The following MAD1L1 variants were observed in gnomAD, a reference collection of about 807,000 sequenced individuals.
MAD1L1 encodes mitotic spindle assembly checkpoint protein MAD1.
Under a neutral mutation model 96.9 loss-of-function variants are expected in MAD1L1, and 95 were observed. The observed-to-expected ratio is 0.98, with a 90% CI of 0.83 to 1.16. MAD1L1 has a LOEUF of 1.16. MAD1L1 is among the 50% of genes most tolerant of loss of function. The probability of loss-of-function intolerance (pLI) is 0.00; values close to 1 mark genes in which losing one functional copy is unlikely to be tolerated. For synonymous variants in MAD1L1, 473 were observed against 396.6 expected, an observed-to-expected ratio of 1.19 and a Z score of -2.29; for missense variants, 1,007 against 954.4, an observed-to-expected ratio of 1.06 and a Z score of -0.73.
chr7:2,218,990 G>A (rs1793441203), intron 6 of MAD1L1, among the ~76,000 whole-genome samples: 1 of 152,186 alleles, frequency 6.6e-6, no homozygotes, highest in Non-Finnish European at 1.5e-5. Context: ...AGCCCAGGAG[G>A]TTGAGGCTAC....
chr7:1,935,637 G>A (rs932815375), intron 17 of MAD1L1, among the ~76,000 whole-genome samples: 4 of 152,182 alleles, frequency 2.6e-5, no homozygotes, highest in East Asian at 1.9e-4. Context: ...TGTGGGAAGC[G>A]GACAAGTCAC....
At chr7:2,096,162 T>G (rs1416273558) in intron 11 of MAD1L1, among the ~76,000 whole-genome samples, 1 of 152,062 alleles carries the variant, frequency 6.6e-6, no homozygotes, top group Non-Finnish European at 1.5e-5. Context: ...AGAAGAAAGG[T>G]GAATTCCAGA....
chr7:2,156,184 G>A (rs1012825277), intron 10 of MAD1L1, among the ~76,000 whole-genome samples: 32 of 149,894 alleles, frequency 2.1e-4, no homozygotes, highest in Admixed American at 2.0e-4. Context: ...TTCACGGCGC[G>A]TGTGGCGAGG....
At position 2,069,283 on chromosome 7, in the gene MAD1L1, T is replaced by C. The variant is rs762095585; in HGVS notation, c.1129A>G (p.Ser377Gly). The change falls in exon 12 of 19, where the codon AGC becomes GGC. Residue 377 changes from serine to glycine, a missense_variant. Ser to Gly is a moderately conservative substitution (Grantham distance 56). Transcript: ENST00000265854. ...TTCCTCTCCTCCAACAGCTGGCCGCTGACCTGCCGGAGCTCCTCCTGCAGC... is the reference window on the plus strand; with the variant it reads ...TTCCTCTCCTCCAACAGCTGGCCGCCGACCTGCCGGAGCTCCTCCTGCAGC... Reference protein sequence around the residue: ...QQLQEELRQVSGQLLEERKKR... With the variant: ...QQLQEELRQVGGQLLEERKKR... The C allele has an allele frequency of 1.2e-6, 2 of 1,610,700 alleles. No individual in the cohort carries two copies. The highest frequency in any genetic ancestry group is 1.7e-6 in the Non-Finnish European group (2 of 1,179,420).
chr7:1,964,010 C>A (rs1780057530), intron 15 of MAD1L1, among the ~76,000 whole-genome samples: 1 of 152,216 alleles, frequency 6.6e-6, no homozygotes, highest in Non-Finnish European at 1.5e-5. Context: ...TCACATCAAT[C>A]TAGCAGGGAA....
intron 18 of MAD1L1, 108 bp from the exon 19 acceptor site, chr7:1,816,336 T>G (rs1781804115): frequency 8.8e-7 from 1 of 1,137,824 alleles, no homozygotes; most frequent in African/African-American, 1.5e-5. Context: ...TCCCTCAGTC[T>G]GAGGACCTGG....
chr7:1,957,724 A>G lies in MAD1L1; in HGVS notation c.1506-5T>C, dbSNP rs901496508. 3.7e-6 allele frequency: 6 copies of G among 1,614,044 alleles called. No homozygotes were observed. The highest frequency in any genetic ancestry group is 5.1e-6 in the Non-Finnish European group (6 of 1,179,954). On this transcript the variant is annotated splice_region_variant and splice_polypyrimidine_tract_variant and intron_variant, in intron 15 of 18. Transcript: ENST00000265854. ...TCCAGCTCCTCGACCTTCAACCTGC[A>G]AGGACAGCAAGACGGTGACCAGGTG...
rs373884733 is a variant in MAD1L1 at position 1,854,385 on chromosome 7, CA to C, written c.1999-38158del. 2.2e-4 allele frequency: 102 copies of C among 469,932 alleles called. 1 individual carries two copies. The East Asian group carries it at 5.1e-3, about 24-fold the overall frequency. 29.1% of individuals were successfully genotyped at this position (469,932 alleles called of 1,614,324 possible). A position where few individuals can be genotyped will look rare whatever the true frequency, so the allele number is the denominator to read the frequency against. Reference sequence around the variant, plus strand: ...TACCCTGTGGAAGCCTGTATTGGTCCACTCGGCCGCTGCAGACTAGGTGGCT... The same window carrying C: ...TACCCTGTGGAAGCCTGTATTGGTCCCTCGGCCGCTGCAGACTAGGTGGCT... On this transcript the variant is annotated intron_variant, in intron 18 of 18. Transcript: ENST00000265854.
chr7:2,229,088 C>T (rs1794063001), intron 3 of MAD1L1, among the ~76,000 whole-genome samples: 1 of 152,238 alleles, frequency 6.6e-6, no homozygotes, highest in African/African-American at 2.4e-5. Context: ...AAAACAAATG[C>T]ACACGCACAC....
intron 17 of MAD1L1, among the ~76,000 whole-genome samples, chr7:1,919,972 G>C (rs1489909865): frequency 6.6e-6 from 1 of 151,968 alleles, no homozygotes; most frequent in South Asian, 2.1e-4. Flanking sequence ...TCCACCCAAC[G>C]CTTATAGAGG....
intron 11 of MAD1L1, among the ~76,000 whole-genome samples, chr7:2,077,411 C>T (rs1018434243): frequency 3.3e-5 from 5 of 152,294 alleles, no homozygotes; most frequent in Non-Finnish European, 2.9e-5. Context: ...ATGAAGCCAC[C>T]GTGTCCCCCA....
chr7:2,029,400 G>C (rs1044757328), intron 12 of MAD1L1, among the ~76,000 whole-genome samples: 33 of 152,278 alleles, frequency 2.2e-4, no homozygotes, highest in African/African-American at 7.9e-4. Flanking sequence ...CAGGGCTTTG[G>C]GGGAGGTGGA....
At chr7:1,900,103 C>G (rs759806813) in intron 17 of MAD1L1, among the ~76,000 whole-genome samples, 1 of 152,304 alleles carries the variant, frequency 6.6e-6, no homozygotes, top group South Asian at 2.1e-4. Flanking sequence ...CCCCCGATGG[C>G]GTGAGCTCAG....
At chr7:1,896,285 T>C (rs1158940891) in intron 18 of MAD1L1, among the ~76,000 whole-genome samples, 1 of 152,228 alleles carries the variant, frequency 6.6e-6, no homozygotes, top group Non-Finnish European at 1.5e-5. Flanking sequence ...CCAAGCCTTC[T>C]GGTCTCAACA....
At chr7:1,869,714 CG>C (rs1784951064) in intron 18 of MAD1L1, among the ~76,000 whole-genome samples, 1 of 152,190 alleles carries the variant, frequency 6.6e-6, no homozygotes, top group Non-Finnish European at 1.5e-5. Flanking sequence ...CACACTAGCA[CG>C]GGTTGAGGGG....
At chr7:2,044,772 C>G (rs7809500) in intron 12 of MAD1L1, among the ~76,000 whole-genome samples, 11,064 of 152,228 alleles carry the variant, frequency 0.073, 1,297 homozygotes, top group African/African-American at 0.25. Context: ...GGAGTCCCAG[C>G]TCAGTGAGAC....
chr7:1,974,844 G>A (rs971307988), intron 15 of MAD1L1, among the ~76,000 whole-genome samples: 1 of 152,254 alleles, frequency 6.6e-6, no homozygotes, highest in Non-Finnish European at 1.5e-5. Context: ...GGTAACCTGA[G>A]GATGCTGGGG....
intron 11 of MAD1L1, among the ~76,000 whole-genome samples, chr7:2,115,106 G>A (rs1273704567): frequency 6.6e-6 from 1 of 152,246 alleles, no homozygotes; most frequent in East Asian, 1.9e-4. Flanking sequence ...TCCCCCAGAA[G>A]CCGGGGCCCA....
chr7:1,939,215 C>T (rs1228307388), intron 16 of MAD1L1, among the ~76,000 whole-genome samples: 25 of 115,294 alleles, frequency 2.2e-4, no homozygotes, highest in African/African-American at 7.1e-4. Flanking sequence ...CACACACACA[C>T]GGGCCAGGGC....
Sources: gnomAD v4.1 joint callset for allele counts (sites outside exome capture counted in the v4.1 genomes callset) on GRCh38, gnomAD v4.1.1 for gene constraint, MANE v1.5 for transcripts, NCBI Gene and HGNC (gene_info 2026-07-23, HGNC 2026-07-21) for gene names.